AOAH: variants seen among roughly 807,000 people sequenced by gnomAD.
AOAH encodes the protein acyloxyacyl hydrolase (neutrophil).
In AOAH, 64 loss-of-function variants were observed where a neutral mutation model predicts 92.2. The observed-to-expected ratio is 0.69, with a 90% confidence interval of 0.57 to 0.86. AOAH has a LOEUF of 0.86. AOAH is among the 40% of genes least tolerant of loss of function. The probability of loss-of-function intolerance (pLI) is 0.00; values close to 1 mark genes in which losing one functional copy is unlikely to be tolerated. For missense variants in AOAH, 656 were observed against 694.6 expected (o/e 0.94, Z 0.62); for synonymous variants, 263 against 254.5 (o/e 1.03, Z -0.32).
chr7:36,642,949 A>C (rs1794002526), intron 4 of AOAH, among the ~76,000 whole-genome samples: 1 of 152,228 alleles, frequency 6.6e-6, no homozygotes, highest in South Asian at 2.1e-4. Flanking sequence ...TAGTTTCTTC[A>C]TCTGTAAAGT....
chr7:36,700,721 A>G (rs1252340229), intron 1 of AOAH, among the ~76,000 whole-genome samples: 1 of 152,020 alleles, frequency 6.6e-6, no homozygotes, highest in African/African-American at 2.4e-5. Context: ...TGATGGTTTG[A>G]AAAGTAGTTC....
At chr7:36,596,458 G>A (rs551068608) in intron 11 of AOAH, among the ~76,000 whole-genome samples, 2 of 152,126 alleles carry the variant, frequency 1.3e-5, no homozygotes, top group East Asian at 1.9e-4. Context: ...AAATAGAGTC[G>A]TTGCAGATGT....
At chr7:36,539,873 G>A (rs1246148017) in intron 16 of AOAH, among the ~76,000 whole-genome samples, 1 of 152,140 alleles carries the variant, frequency 6.6e-6, no homozygotes, top group Non-Finnish European at 1.5e-5. Context: ...CGGAGCTAAG[G>A]ACCCCAAGAG....
chr7:36,647,917 G>A (rs946134499), intron 4 of AOAH, among the ~76,000 whole-genome samples: 5 of 151,002 alleles, frequency 3.3e-5, no homozygotes, highest in Admixed American at 2.0e-4. Context: ...AGCAACCTCC[G>A]CCTCCTGGGT....
intron 10 of AOAH, among the ~76,000 whole-genome samples, chr7:36,617,072 T>A (rs183495410): frequency 6.6e-6 from 1 of 152,344 alleles, no homozygotes; most frequent in African/African-American, 2.4e-5. Flanking sequence ...AACTCATTCT[T>A]CCAAATTCCT....
chr7:36,722,576 G>A (rs1400921184), intron 1 of AOAH, among the ~76,000 whole-genome samples: 2 of 152,122 alleles, frequency 1.3e-5, no homozygotes, highest in Non-Finnish European at 2.9e-5. Context: ...ATGGTTCAAA[G>A]GACCACACAC....
intron 1 of AOAH, among the ~76,000 whole-genome samples, chr7:36,703,096 G>A (rs756672266): frequency 6.6e-6 from 1 of 152,098 alleles, no homozygotes; most frequent in Non-Finnish European, 1.5e-5. Context: ...ATTTTATCAT[G>A]AGATTGCAGC....
chr7:36,634,246 C>G (rs1250240672), intron 5 of AOAH, among the ~76,000 whole-genome samples: 1 of 152,132 alleles, frequency 6.6e-6, no homozygotes, highest in Non-Finnish European at 1.5e-5. Context: ...AGTAAAACCT[C>G]GAAGGCAGAA....
chr7:36,714,512 G>C (rs1798995805), intron 1 of AOAH, among the ~76,000 whole-genome samples: 1 of 152,300 alleles, frequency 6.6e-6, no homozygotes, highest in South Asian at 2.1e-4. Flanking sequence ...AAGCCTGGCA[G>C]AGACACAACC....
At chr7:36,529,094 T>C (rs1324304764) in intron 19 of AOAH, among the ~76,000 whole-genome samples, 1 of 152,180 alleles carries the variant, frequency 6.6e-6, no homozygotes, top group Admixed American at 6.5e-5. Context: ...CATTATTTCA[T>C]AGAATCATCA....
At chr7:36,721,866 G>C (rs958737860) in intron 1 of AOAH, among the ~76,000 whole-genome samples, 8 of 152,304 alleles carry the variant, frequency 5.3e-5, no homozygotes, top group African/African-American at 1.9e-4. Context: ...AAGTAATGCT[G>C]TGCCTGTTTC....
At chr7:36,535,098 TTGTGTGTGTC>T (rs1441999615) in intron 16 of AOAH, among the ~76,000 whole-genome samples, 2 of 114,214 alleles carry the variant, frequency 1.8e-5, no homozygotes, top group African/African-American at 3.2e-5. Context: ...GTGTGTGTGT[TTGTGTGTGTC>T]TGTGTCTGTG....
intron 3 of AOAH, among the ~76,000 whole-genome samples, chr7:36,664,032 G>A (rs189478494): frequency 8.1e-5 from 8 of 99,138 alleles, no homozygotes; most frequent in South Asian, 3.6e-4. Context: ...ATTTAAGATC[G>A]TTAATTTTAG....
intron 16 of AOAH, among the ~76,000 whole-genome samples, chr7:36,538,171 G>C (rs562926457): frequency 6.0e-4 from 91 of 151,964 alleles, no homozygotes; most frequent in African/African-American, 2.1e-3. Context: ...GGGATCACAG[G>C]TGTGTGCCAC....
chr7:36,696,469 A>T (rs577969409), intron 1 of AOAH, among the ~76,000 whole-genome samples: 1 of 152,288 alleles, frequency 6.6e-6, no homozygotes, highest in Non-Finnish European at 1.5e-5. Flanking sequence ...GTGTAGAGTA[A>T]TAGCGTTTCT....
intron 13 of AOAH, among the ~76,000 whole-genome samples, chr7:36,574,341 C>T (rs576421256): frequency 1.3e-5 from 2 of 152,340 alleles, no homozygotes; most frequent in East Asian, 3.9e-4. Flanking sequence ...CGATTAGGCT[C>T]TCTTCCTGTC....
At chr7:36,629,058 C>T (rs1792876634) in intron 6 of AOAH, among the ~76,000 whole-genome samples, 1 of 152,148 alleles carries the variant, frequency 6.6e-6, no homozygotes, top group African/African-American at 2.4e-5. Flanking sequence ...TAGACAGCAC[C>T]AGATAACTTT....
At chr7:36,530,588 A>G in intron 18 of AOAH, 74 bp from the exon 19 acceptor site, 1 of 967,670 alleles carries the variant, frequency 1.0e-6, no homozygotes, top group Non-Finnish European at 1.6e-6. Context: ...CAGGCAGAAC[A>G]AAGAAATCGA....
intron 1 of AOAH, among the ~76,000 whole-genome samples, chr7:36,696,039 C>T (rs1324942149): frequency 6.6e-6 from 1 of 152,168 alleles, no homozygotes; most frequent in Non-Finnish European, 1.5e-5. Context: ...TGTTAAAAGA[C>T]TACCCTCTTG....
Sources: allele counts gnomAD v4.1 joint callset (sites outside exome capture counted in the v4.1 genomes callset), GRCh38; gene constraint gnomAD v4.1.1; transcripts MANE v1.5; gene names NCBI Gene and HGNC (gene_info 2026-07-23, HGNC 2026-07-21).